Variants in UBXN7 observed in about 807,000 individuals in gnomAD.
The protein encoded by UBXN7 is UBX domain-containing protein 7.
In UBXN7, 9 loss-of-function variants were observed where a neutral mutation model predicts 58.0. That is an observed-to-expected ratio of 0.16 (90% CI 0.09 to 0.27). The LOEUF is 0.27. UBXN7 is among the 10% of genes least tolerant of loss of function. UBXN7 has a pLI of 1.00. For synonymous variants in UBXN7, 208 were observed against 205.0 expected, an observed-to-expected ratio of 1.01 and a Z score of -0.12; for missense variants, 328 against 599.6, an observed-to-expected ratio of 0.55 and a Z score of 4.73.
intron 1 of UBXN7, among the ~76,000 whole-genome samples, chr3:196,410,487 C>A (rs1016741533): frequency 2.6e-5 from 4 of 152,132 alleles, no homozygotes; most frequent in African/African-American, 4.8e-5. Context: ...CAGAGGGTAT[C>A]TCCCAAAATA....
At chr3:196,378,025 ACTCT>A (rs1286440533) in intron 5 of UBXN7, among the ~76,000 whole-genome samples, 2 of 151,602 alleles carry the variant, frequency 1.3e-5, no homozygotes, top group African/African-American at 2.4e-5. Context: ...TGAATGTCAC[ACTCT>A]CTCTCTCCAT....
chr3:196,393,020 C>T (rs1729634787), intron 4 of UBXN7, among the ~76,000 whole-genome samples: 6 of 152,132 alleles, frequency 3.9e-5, no homozygotes, highest in Admixed American at 3.9e-4. Flanking sequence ...TCTCATATAT[C>T]CTAACCTAAC....
At chr3:196,405,749 C>T (rs1444122952) in intron 2 of UBXN7, among the ~76,000 whole-genome samples, 2 of 151,800 alleles carry the variant, frequency 1.3e-5, no homozygotes, top group African/African-American at 4.8e-5. Context: ...CTGTCAGCTA[C>T]CAAGAATGGA....
chr3:196,391,880 T>G lies in UBXN7; in HGVS notation c.401A>C (p.Lys134Thr). 6.2e-7 allele frequency: 1 copy of G among 1,613,174 alleles called. No homozygotes were observed. Among genetic ancestry groups the G allele is most frequent in the South Asian group, 1.1e-5 (1 of 90,846 alleles). The change falls in exon 5 of 11, where the codon AAA (lysine) becomes ACA (threonine). Residue 134 changes from lysine to threonine, a missense_variant. By Grantham distance (78) the Lys-to-Thr change is moderately conservative. Transcript: ENST00000296328. ...ELRNGGAIDKKLTTLADLFRP... is the reference protein window; with the variant it reads ...ELRNGGAIDKTLTTLADLFRP... ...GAATAGATCTGCAAGGGTAGTTAAT[T>G]TCTTATCGATAGCTCCTCCATTTCT...
At chr3:196,406,614 ATTT>A (rs760149920) in intron 2 of UBXN7, among the ~76,000 whole-genome samples, 1 of 142,712 alleles carries the variant, frequency 7.0e-6, no homozygotes, top group African/African-American at 2.6e-5. Flanking sequence ...TAATTTTTGT[ATTT>A]TTTTTTTTAG....
intron 2 of UBXN7, among the ~76,000 whole-genome samples, chr3:196,406,597 G>A (rs1486307277): frequency 6.6e-6 from 1 of 151,612 alleles, no homozygotes; most frequent in African/African-American, 2.4e-5. Flanking sequence ...ATGCCACCAC[G>A]CCTGGCTAAT....
chr3:196,396,018 G>A (rs1347702758), intron 3 of UBXN7, among the ~76,000 whole-genome samples: 7 of 152,022 alleles, frequency 4.6e-5, no homozygotes, highest in East Asian at 1.9e-4. Context: ...CACCCGCCTC[G>A]GCTACCAAAA....
At chr3:196,430,527 A>G (rs1165743316) in intron 1 of UBXN7, among the ~76,000 whole-genome samples, 2 of 151,984 alleles carry the variant, frequency 1.3e-5, no homozygotes, top group Non-Finnish European at 2.9e-5. Flanking sequence ...AGCTGGGACT[A>G]CATGTCGGTG....
Position 196,368,036 on chromosome 3 carries a change from C to T in UBXN7, c.826G>A (p.Ala276Thr), listed in dbSNP as rs1467136068. Residue 276 changes from alanine (A) to threonine (T), a missense_variant, in exon 8 of 11, where the codon GCC (alanine) becomes ACC (threonine). Around this residue, in one of 4 missense-constraint regions of UBXN7, gnomAD observed 126 missense variants for 302.6 expected, o/e 0.42. Transcript: ENST00000296328. ...GLSSSPPKKC[A>T]RSESLIDASE... ...CTCCTAATTATACTTACTGAACGGG[C>T]ACATTTTTTGGGGGGACTGCTAGAA... The T allele has an allele frequency of 6.2e-7, 1 of 1,613,016 alleles. No homozygotes were observed. Among genetic ancestry groups the T allele is most frequent in the South Asian group, 1.1e-5 (1 of 90,702 alleles).
rs576364647 is a variant in UBXN7 at position 196,415,875 on chromosome 3, G to A, written c.74-8482C>T. Reference sequence around the variant, plus strand: ...GTTTCTTACAGGAAGACTACTTTCGGCTGCTTGTTCTAGCAGAGATGCACA... The same window carrying A: ...GTTTCTTACAGGAAGACTACTTTCGACTGCTTGTTCTAGCAGAGATGCACA... On this transcript the variant is annotated intron_variant, in intron 1 of 10. Coordinates refer to ENST00000296328, the MANE Select transcript of UBXN7 (RefSeq NM_015562.2). 3.3e-5 allele frequency among the ~76,000 whole-genome samples: 5 copies of A among 152,180 alleles called. No individual in the cohort carries two copies. In the East Asian group the frequency reaches 9.7e-4, roughly 29 times the overall value.
chr3:196,407,272 A>G lies in UBXN7; in HGVS notation c.195T>C (p.Ser65=). ...IAEEPSTSSA[S]VSTVRPHTEE... Reference sequence around the variant, plus strand: ...CTGTGTGTGGTCTGACAGTAGAGACACTTGCTGAACTGGTACTGGGCTCTT... The same window carrying G: ...CTGTGTGTGGTCTGACAGTAGAGACGCTTGCTGAACTGGTACTGGGCTCTT... Residue 65 remains serine, a synonymous_variant, in exon 2 of 11, where the codon AGT becomes AGC. Transcript: ENST00000296328. The G allele has an allele frequency of 1.2e-6, 2 of 1,614,192 alleles. No homozygotes were observed. The highest frequency in any genetic ancestry group is 1.7e-6 in the Non-Finnish European group (2 of 1,180,026).
intron 8 of UBXN7, among the ~76,000 whole-genome samples, chr3:196,364,752 A>C (rs1383608368): frequency 2.0e-5 from 3 of 151,434 alleles, no homozygotes. Flanking sequence ...GCTGAAGTGC[A>C]GTGGCACAAT....
chr3:196,422,938 A>T (rs1195368677), intron 1 of UBXN7, among the ~76,000 whole-genome samples: 1 of 152,236 alleles, frequency 6.6e-6, no homozygotes, highest in Non-Finnish European at 1.5e-5. Context: ...AGGAACTACT[A>T]ACCATGACAA....
intron 8 of UBXN7, among the ~76,000 whole-genome samples, chr3:196,364,161 C>G (rs1230261408): frequency 6.6e-6 from 1 of 152,050 alleles, no homozygotes; most frequent in African/African-American, 2.4e-5. Context: ...CAGTTTTTCC[C>G]TTGGTAAAGT....
At chr3:196,426,221 T>A (rs1730843611) in intron 1 of UBXN7, among the ~76,000 whole-genome samples, 1 of 151,554 alleles carries the variant, frequency 6.6e-6, no homozygotes, top group Non-Finnish European at 1.5e-5. Flanking sequence ...CCATCTCCAT[T>A]AAAAATACAA....
At position 196,350,710 on chromosome 3, in the gene UBXN7, A is replaced by AC. The variant is rs1728189536; in HGVS notation, c.*5974_*5975insG. 1 of 152,228 alleles carries AC rather than the reference A, an allele frequency of 6.6e-6. No individual in the cohort carries two copies. 9.4% of individuals were successfully genotyped at this position (152,228 alleles called of 1,614,324 possible). A position where few individuals can be genotyped will look rare whatever the true frequency, so the allele number is the denominator to read the frequency against. On this transcript the variant is annotated 3_prime_UTR_variant, in exon 11 of 11. Coordinates refer to ENST00000296328, the MANE Select transcript of UBXN7 (RefSeq NM_015562.2). ...AGGACTGACACACAGGTGAGTCAAA[A>AC]ACCATAACCATCACTGAAATACCAA...
At chr3:196,429,265 T>G (rs957235888) in intron 1 of UBXN7, among the ~76,000 whole-genome samples, 1 of 151,034 alleles carries the variant, frequency 6.6e-6, no homozygotes, top group African/African-American at 2.4e-5. Flanking sequence ...AGGCAGAGCT[T>G]GCAGTGAGCC....
intron 3 of UBXN7, among the ~76,000 whole-genome samples, chr3:196,399,267 C>T (rs980580891): frequency 6.6e-6 from 1 of 152,156 alleles, no homozygotes; most frequent in Non-Finnish European, 1.5e-5. Context: ...TTTATTGCTT[C>T]ATCAAGAACA....
rs1169167732 is a variant in UBXN7, at chr3:196,380,466, G to A, written c.469-8424C>T. Reference sequence around the variant, plus strand: ...CAGAGCTAATCATCCTAATAGCCTGGACTTCCATCTTGCTTAAGCTACTGT... The same window carrying A: ...CAGAGCTAATCATCCTAATAGCCTGAACTTCCATCTTGCTTAAGCTACTGT... On this transcript the variant is annotated intron_variant, in intron 5 of 10. Transcript: ENST00000296328. 3.9e-5 allele frequency among the ~76,000 whole-genome samples: 6 copies of A among 152,210 alleles called. No homozygotes were observed. The South Asian group carries it at 1.2e-3, about 32-fold the overall frequency.
Sources: allele counts gnomAD v4.1 joint callset (sites outside exome capture counted in the v4.1 genomes callset), GRCh38; gene constraint gnomAD v4.1.1; regional missense constraint gnomAD v4.1.1; transcripts MANE v1.5; gene names NCBI Gene and HGNC (gene_info 2026-07-23, HGNC 2026-07-21).